The following TBC1D31 variants were observed in gnomAD, a reference collection of about 807,000 sequenced individuals.
TBC1D31 encodes TBC1 domain family member 31.
Under a neutral mutation model 132.9 loss-of-function variants are expected in TBC1D31, and 99 were observed. That is an observed-to-expected ratio of 0.74 (90% CI 0.63 to 0.88). The LOEUF (loss-of-function observed/expected upper bound fraction) is 0.88. TBC1D31 is among the 40% of genes least tolerant of loss of function. The pLI, the probability that TBC1D31 is intolerant of heterozygous loss-of-function variation, is 0.00. For missense variants in TBC1D31, 1,134 were observed against 1,256.6 expected (o/e 0.90, Z 1.48); for synonymous variants, 385 against 419.4 (o/e 0.92, Z 1.00).
chr8:123,162,815 G>A, the TBC1D31 span, among the ~76,000 whole-genome samples: 1 of 151,978 alleles, frequency 6.6e-6, no homozygotes, highest in Non-Finnish European at 1.5e-5. Context: ...GGCTTAAACA[G>A]CAAGCATGTG....
chr8:123,139,433 C>T (rs989812866), intron 17 of TBC1D31, among the ~76,000 whole-genome samples: 1 of 152,096 alleles, frequency 6.6e-6, no homozygotes, highest in African/African-American at 2.4e-5. Context: ...TGTATATAAC[C>T]ACTGATGTCT....
intron 1 of TBC1D31, among the ~76,000 whole-genome samples, chr8:123,076,653 A>G (rs571122235): frequency 1.2e-4 from 18 of 152,202 alleles, no homozygotes; most frequent in Non-Finnish European, 1.9e-4. Context: ...TGGTAGATAC[A>G]TTAGAAATGG....
chr8:123,144,714 T>C lies in TBC1D31; in HGVS notation c.2836-3T>C. The C allele has an allele frequency of 1.3e-6, 2 of 1,597,632 alleles. No individual in the cohort carries two copies. The highest frequency in any genetic ancestry group is 1.1e-5 in the South Asian group (1 of 87,506). ...ATCTTTTTTTCCATTTATTTGAATT[T>C]AGTGGAAGGAAGCTGAAGGAAAAGA... On this transcript the variant is annotated splice_region_variant and splice_polypyrimidine_tract_variant and intron_variant, in intron 19 of 21. Coordinates refer to ENST00000287380, the MANE Select transcript of TBC1D31 (RefSeq NM_145647.4).
At chr8:123,119,491 G>C (rs568118961) in intron 10 of TBC1D31, among the ~76,000 whole-genome samples, 2 of 152,250 alleles carry the variant, frequency 1.3e-5, no homozygotes, top group African/African-American at 2.4e-5. Flanking sequence ...CGGGAAGATC[G>C]CTTGAGCCCA....
intron 8 of TBC1D31, among the ~76,000 whole-genome samples, chr8:123,108,984 C>G (rs539114043): frequency 2.0e-5 from 3 of 152,286 alleles, no homozygotes; most frequent in African/African-American, 7.2e-5. Flanking sequence ...CACCTCCCAC[C>G]AGGTCCATCC....
chr8:123,129,043 CATA>C lies in TBC1D31; in HGVS notation c.2118-16_2118-14del, dbSNP rs952404362. On this transcript the variant is annotated intron_variant, in intron 14 of 21. Coordinates refer to ENST00000287380, the MANE Select transcript of TBC1D31 (RefSeq NM_145647.4). ...TTCTTAGCTTTCTTCTTTGTGTTTT[CATA>C]ATAATATTACCTACTTAAGGCAGAC... 15 of 1,495,272 alleles carry C rather than the reference CATA, an allele frequency of 1.0e-5. No homozygotes were observed. The highest frequency in any genetic ancestry group is 1.4e-5 in the South Asian group (1 of 72,746). The allele number at this position is 1,495,272 out of a possible 1,614,324, so 92.6% of individuals were successfully genotyped here. A position where few individuals can be genotyped will look rare whatever the true frequency, so the allele number is the denominator to read the frequency against.
Position 123,114,242 on chromosome 8 carries a change from G to A in TBC1D31, c.1436+4622G>A, listed in dbSNP as rs370371061. ...GGCGACAGGCTCATGGGGCATGATC[G>A]TGCTTTCTAGTTTTATATATGTTTG... On this transcript the variant is annotated intron_variant, in intron 10 of 21. Transcript: ENST00000287380. 5.9e-5 allele frequency among the ~76,000 whole-genome samples: 9 copies of A among 152,146 alleles called. No individual in the cohort carries two copies. The South Asian group carries it at 6.2e-4, about 10-fold the overall frequency.
intron 4 of TBC1D31, among the ~76,000 whole-genome samples, chr8:123,086,948 C>G (rs1815826511): frequency 1.3e-5 from 2 of 152,294 alleles, no homozygotes; most frequent in African/African-American, 2.4e-5. Flanking sequence ...AAACTCCTGG[C>G]CTCAAGTGAT....
At chr8:123,127,988 G>GA (rs886245310) in intron 13 of TBC1D31, 1,139 of 197,888 alleles carry the variant, frequency 5.8e-3, no homozygotes, top group Middle Eastern at 0.011. Flanking sequence ...GGATTTTGAA[G>GA]AAAAAAAAAA....
intron 4 of TBC1D31, among the ~76,000 whole-genome samples, chr8:123,086,457 G>A (rs1815757945): frequency 2.0e-5 from 3 of 152,124 alleles, no homozygotes; most frequent in South Asian, 4.1e-4. Context: ...AGGGTGTGAA[G>A]CCAGATTGGA....
At chr8:123,099,369 G>A (rs954876019) in intron 6 of TBC1D31, among the ~76,000 whole-genome samples, 1 of 152,002 alleles carries the variant, frequency 6.6e-6, no homozygotes, top group Non-Finnish European at 1.5e-5. Context: ...ATCCGCCCGT[G>A]TCGGCCTCCC....
Position 123,151,888 on chromosome 8 carries a change from C to T in TBC1D31, c.3150C>T (p.Leu1050=), listed in dbSNP as rs1488274354. ...AAGTGAGAAATCTTCGCCAGAGACT[C>T]ACTGCCCGGGCTCGTCACAGATGTC... ...IKKVRNLRQR[L]TARARHRCQT... is the part of the protein sequence containing the mutation. Residue 1050 remains leucine, a synonymous_variant, in exon 22 of 22, where the codon CTC becomes CTT. Transcript: ENST00000287380. 1 of 1,592,586 alleles carries T rather than the reference C, an allele frequency of 6.3e-7. No homozygotes were observed. The highest frequency in any genetic ancestry group is 8.5e-7 in the Non-Finnish European group (1 of 1,172,424).
chr8:123,103,965 C>G (rs998014422), intron 7 of TBC1D31: 11 of 152,098 alleles, frequency 7.2e-5, no homozygotes, highest in Non-Finnish European at 1.5e-4. Context: ...CATAACTCAC[C>G]TTTGTCTCAT....
chr8:123,077,473 T>C (rs1814648438), intron 2 of TBC1D31, among the ~76,000 whole-genome samples: 1 of 152,074 alleles, frequency 6.6e-6, no homozygotes, highest in South Asian at 2.1e-4. Flanking sequence ...GTGCTGGTTT[T>C]AATAGTATCT....
intron 10 of TBC1D31, among the ~76,000 whole-genome samples, chr8:123,116,311 A>T (rs1818899458): frequency 6.6e-6 from 1 of 152,166 alleles, no homozygotes; most frequent in Admixed American, 6.5e-5. Context: ...ATTCCTTTTT[A>T]AAAAAACAAA....
intron 6 of TBC1D31, among the ~76,000 whole-genome samples, chr8:123,098,919 A>G (rs1450881070): frequency 2.6e-5 from 4 of 152,170 alleles, no homozygotes; most frequent in African/African-American, 4.8e-5. Flanking sequence ...GCCAACCAAC[A>G]GGAGAACTTT....
At position 123,077,220 on chromosome 8, in the gene TBC1D31, C is replaced by G. The variant is rs143770939; in HGVS notation, c.187C>G (p.Gln63Glu). ...CGACTGCTTAATTGCTGGGGACCAC[C>G]AAGGAAATATTTATGTTTTTGACTT... ...TGDCLIAGDHQGNIYVFDLHG... is the reference protein window; with the variant it reads ...TGDCLIAGDHEGNIYVFDLHG... Residue 63 changes from glutamine (Q) to glutamate (E), a missense_variant, in exon 2 of 22, where the codon CAA (glutamine) becomes GAA (glutamate). Coordinates refer to ENST00000287380, the MANE Select transcript of TBC1D31 (RefSeq NM_145647.4). 569 of 1,612,168 alleles carry G rather than the reference C, an allele frequency of 3.5e-4. 4 individuals carry two copies. The highest frequency in any genetic ancestry group is 2.1e-3 in the Middle Eastern group (13 of 6,058).
At chr8:123,126,481 T>C in intron 12 of TBC1D31, 27 bp from the exon 13 acceptor site, 1 of 1,593,840 alleles carries the variant, frequency 6.3e-7, no homozygotes, top group Non-Finnish European at 8.5e-7. Flanking sequence ...CCTAGAAAAA[T>C]AATAAATTTT....
At chr8:123,109,705 G>T in intron 10 of TBC1D31, 85 bp downstream of exon 10, 1 of 1,278,244 alleles carries the variant, frequency 7.8e-7, no homozygotes, top group Non-Finnish European at 1.1e-6. Flanking sequence ...ATAAAATATT[G>T]TTTTGTCAGT....
Sources: gnomAD v4.1 joint callset for allele counts (sites outside exome capture counted in the v4.1 genomes callset) on GRCh38, gnomAD v4.1.1 for gene constraint, MANE v1.5 for transcripts, NCBI Gene and HGNC (gene_info 2026-07-23, HGNC 2026-07-21) for gene names.